The following GNG7 variants were observed in gnomAD, a reference collection of about 807,000 sequenced individuals.
The protein encoded by GNG7 is guanine nucleotide-binding protein G(I)/G(S)/G(O) subunit gamma-7.
In GNG7, 1 loss-of-function variant was observed where a neutral mutation model predicts 4.0. The observed-to-expected ratio is 0.25, with a 90% CI of 0.09 to 1.18. The LOEUF (loss-of-function observed/expected upper bound fraction) is 1.18. Among genes scored for constraint, GNG7 ranks in the 50% most tolerant of loss-of-function variants. The pLI is 0.50. For synonymous variants in GNG7, 34 were observed against 36.9 expected (o/e 0.92, Z 0.29); for missense variants, 86 against 91.9 (o/e 0.94, Z 0.26).
chr19:2,538,882 C>T (rs1268390760), intron 3 of GNG7: 4 of 221,680 alleles, frequency 1.8e-5, no homozygotes, highest in African/African-American at 7.1e-5. Context: ...CATTCTCCTG[C>T]CTCAACCTCC....
At chr19:2,590,713 T>TCATC (rs1231833220) in intron 2 of GNG7, among the ~76,000 whole-genome samples, 25 of 68,428 alleles carry the variant, frequency 3.7e-4, no homozygotes, top group Non-Finnish European at 6.3e-4. Context: ...ATCCACCCAT[T>TCATC]CATCCATCCA....
chr19:2,698,312 C>T (rs1197106355), intron 1 of GNG7, among the ~76,000 whole-genome samples: 3 of 151,434 alleles, frequency 2.0e-5, no homozygotes, highest in Admixed American at 1.3e-4. Flanking sequence ...GCCTGTAATC[C>T]CAACACTTTG....
intron 1 of GNG7, among the ~76,000 whole-genome samples, chr19:2,699,966 G>C (rs570256484): frequency 6.9e-4 from 105 of 152,128 alleles, no homozygotes; most frequent in African/African-American, 2.4e-3. Flanking sequence ...GTTACTTAAC[G>C]AGCTTTGAGA....
chr19:2,601,617 AG>A (rs1234509561), intron 2 of GNG7, among the ~76,000 whole-genome samples: 2 of 152,124 alleles, frequency 1.3e-5, no homozygotes, highest in Non-Finnish European at 2.9e-5. Flanking sequence ...ATTGAGGAAA[AG>A]AAAGGCAGTG....
At chr19:2,696,312 AAGAAAGAAAG>A (rs1568287863) in intron 1 of GNG7, among the ~76,000 whole-genome samples, 4 of 143,796 alleles carry the variant, frequency 2.8e-5, no homozygotes, top group Non-Finnish European at 4.5e-5. Context: ...GAAAGAAAGA[AAGAAAGAAAG>A]AAAGAAAGAA....
chr19:2,619,900 T>C (rs937490134), intron 2 of GNG7, among the ~76,000 whole-genome samples: 1 of 151,620 alleles, frequency 6.6e-6, no homozygotes, highest in Non-Finnish European at 1.5e-5. Context: ...TTTTAAAGGG[T>C]GAGTTTTACG....
At chr19:2,548,234 T>C (rs1979191168) in intron 3 of GNG7, among the ~76,000 whole-genome samples, 1 of 151,598 alleles carries the variant, frequency 6.6e-6, no homozygotes, top group East Asian at 1.9e-4. Flanking sequence ...ATCCCAGCAC[T>C]TTGGGAGGCC....
At chr19:2,698,814 C>G (rs962993355) in intron 1 of GNG7, among the ~76,000 whole-genome samples, 1 of 152,144 alleles carries the variant, frequency 6.6e-6, no homozygotes. Flanking sequence ...TCAGTAAACA[C>G]GAAGCTGAAT....
At chr19:2,536,040 G>A (rs533813954) in intron 3 of GNG7, among the ~76,000 whole-genome samples, 115 of 152,200 alleles carry the variant, frequency 7.6e-4, no homozygotes, top group African/African-American at 2.6e-3. Flanking sequence ...CAGGAGGATC[G>A]CTTGAGTCCA....
intron 3 of GNG7, among the ~76,000 whole-genome samples, chr19:2,528,734 A>C (rs917227020): frequency 6.6e-6 from 1 of 152,078 alleles, no homozygotes; most frequent in African/African-American, 2.4e-5. Context: ...TGGCCTTGGG[A>C]AAGTTTCCTT....
At chr19:2,680,038 C>A (rs1380990573) in intron 1 of GNG7, among the ~76,000 whole-genome samples, 1 of 152,078 alleles carries the variant, frequency 6.6e-6, no homozygotes, top group Non-Finnish European at 1.5e-5. Context: ...GTCAGCCAGG[C>A]ACGGCAGCTC....
At chr19:2,624,520 C>T (rs1347403649) in intron 2 of GNG7, among the ~76,000 whole-genome samples, 2 of 138,040 alleles carry the variant, frequency 1.4e-5, no homozygotes, top group Admixed American at 7.4e-5. Flanking sequence ...GACAGCGAGA[C>T]TCCGTCTCAA....
chr19:2,646,616 C>G (rs573385766), intron 1 of GNG7, among the ~76,000 whole-genome samples: 70 of 151,498 alleles, frequency 4.6e-4, no homozygotes, highest in African/African-American at 1.6e-3. Flanking sequence ...ACCCGGGAGG[C>G]AGAGGGTGCA....
chr19:2,562,532 G>T (rs545262726), intron 2 of GNG7, among the ~76,000 whole-genome samples: 1 of 152,268 alleles, frequency 6.6e-6, no homozygotes, highest in Non-Finnish European at 1.5e-5. Flanking sequence ...CTACAACAGG[G>T]TTTTTCCCCC....
At chr19:2,536,893 T>C (rs1436524337) in intron 3 of GNG7, among the ~76,000 whole-genome samples, 1 of 152,058 alleles carries the variant, frequency 6.6e-6, no homozygotes, top group East Asian at 1.9e-4. Context: ...TGTGTATGTG[T>C]ATATTTTATT....
rs7252355 is a variant in GNG7 at position 2,609,105 on chromosome 19, C to T, written c.-78+37119G>A. Among the ~76,000 whole-genome samples, 8,169 of 152,088 alleles carry T rather than the reference C, an allele frequency of 0.054. 743 individuals carry two copies. The highest frequency in any genetic ancestry group is 0.19 in the African/African-American group (7,828 of 41,414). ...GCAGTGGTGCGATCTTGGCTCACCG[C>T]AACCTCTGCCTCTCAGGTTCAAGCA... On this transcript the variant is annotated intron_variant, in intron 2 of 4. Transcript: ENST00000382159. The surrounding 1 kb of genome is among the most constrained non-coding windows in gnomAD (Gnocchi z 4.4).
At chr19:2,601,247 C>T (rs755613482) in intron 2 of GNG7, among the ~76,000 whole-genome samples, 2 of 152,136 alleles carry the variant, frequency 1.3e-5, no homozygotes, top group Non-Finnish European at 2.9e-5. Context: ...TCCAGATGGC[C>T]CGGGGTACAG....
chr19:2,542,487 C>G lies in GNG7; in HGVS notation c.-38+12662G>C, dbSNP rs1978995268. Among the ~76,000 whole-genome samples the G allele has an allele frequency of 2.0e-5, 3 of 152,082 alleles. No individual in the cohort carries two copies. In the South Asian group the frequency reaches 6.2e-4, roughly 31 times the overall value. ...CCAGCAAGGAAAGGGGGACTGCGCC[C>G]TACGACTGCAAGGAAGTGAATTCAG... On this transcript the variant is annotated intron_variant, in intron 3 of 4. Transcript: ENST00000382159.
chr19:2,668,276 G>A (rs1316413854), intron 1 of GNG7, among the ~76,000 whole-genome samples: 10 of 151,894 alleles, frequency 6.6e-5, no homozygotes, highest in African/African-American at 1.7e-4. Context: ...AGCTACTTAC[G>A]CTAGAAAATG....
Sources: gnomAD v4.1 joint callset for allele counts (sites outside exome capture counted in the v4.1 genomes callset) on GRCh38, gnomAD v4.1.1 for gene constraint, Gnocchi (gnomAD v3.1) non-coding constraint, MANE v1.5 for transcripts, NCBI Gene and HGNC (gene_info 2026-07-23, HGNC 2026-07-21) for gene names.